Variants in HECW1 observed in about 807,000 individuals in gnomAD.
HECW1 encodes E3 ubiquitin-protein ligase HECW1.
In HECW1, 61 loss-of-function variants were observed where a neutral mutation model predicts 182.3. The observed-to-expected ratio is 0.33, with a 90% confidence interval of 0.27 to 0.41. The LOEUF is 0.41. Ranked by LOEUF, HECW1 falls within the 10% of genes least tolerant of loss-of-function variation. HECW1 has a pLI of 1.00. For synonymous variants in HECW1, 859 were observed against 832.6 expected (o/e 1.03, Z -0.55); for missense variants, 1,739 against 2,108.9 (o/e 0.82, Z 3.44).
chr7:43,282,312 C>T (rs931114781), intron 3 of HECW1, among the ~76,000 whole-genome samples: 17 of 152,316 alleles, frequency 1.1e-4, no homozygotes, highest in South Asian at 2.1e-4. Flanking sequence ...GCAAGGGCCC[C>T]GCATCACACT....
At chr7:43,377,827 TC>T (rs1192088032) in intron 6 of HECW1, 2 of 199,834 alleles carry the variant, frequency 1.0e-5, no homozygotes, top group Non-Finnish European at 2.1e-5. Context: ...CTGGGGACTT[TC>T]TTATGCCTCC....
intron 2 of HECW1, among the ~76,000 whole-genome samples, chr7:43,154,396 C>T (rs1250124464): frequency 6.6e-6 from 1 of 152,100 alleles, no homozygotes; most frequent in African/African-American, 2.4e-5. Context: ...ATTCATTCAC[C>T]TGCTTTATCT....
At position 43,333,342 on chromosome 7, in the gene HECW1, G is replaced by C. The variant is rs540037377; in HGVS notation, c.460+12600G>C. Among the ~76,000 whole-genome samples, 12 of 152,318 alleles carry C rather than the reference G, an allele frequency of 7.9e-5. No homozygotes were observed. In the East Asian group the frequency reaches 2.3e-3, roughly 29 times the overall value. ...CCTCCTATAAAAAGCTGTAGAGAAA[G>C]TCACATTAAAAGAAAAGGCAACACA... On this transcript the variant is annotated intron_variant, in intron 5 of 29. Transcript: ENST00000395891.
chr7:43,113,158 C>T (rs1332042128), intron 1 of HECW1, among the ~76,000 whole-genome samples: 1 of 152,126 alleles, frequency 6.6e-6, no homozygotes, highest in Non-Finnish European at 1.5e-5. Context: ...GCGACCCCGG[C>T]TTGGGTACTG....
intron 19 of HECW1, among the ~76,000 whole-genome samples, chr7:43,499,201 G>A (rs1472667022): frequency 6.6e-6 from 1 of 152,142 alleles, no homozygotes; most frequent in Non-Finnish European, 1.5e-5. Context: ...AGGATCACTG[G>A]AGCCTTGGGA....
intron 2 of HECW1, among the ~76,000 whole-genome samples, chr7:43,126,700 T>C (rs1030340898): frequency 6.6e-6 from 1 of 152,226 alleles, no homozygotes; most frequent in African/African-American, 2.4e-5. Context: ...ATCGGTGCCA[T>C]TTTTTCCAAC....
At chr7:43,558,764 A>G (rs2082115265) in intron 29 of HECW1, among the ~76,000 whole-genome samples, 1 of 152,154 alleles carries the variant, frequency 6.6e-6, no homozygotes, top group Non-Finnish European at 1.5e-5. Context: ...AGAAAATGGC[A>G]GCCATTGAGA....
At chr7:43,256,435 C>A (rs1800578010) in intron 3 of HECW1, among the ~76,000 whole-genome samples, 1 of 151,958 alleles carries the variant, frequency 6.6e-6, no homozygotes, top group Admixed American at 6.6e-5. Context: ...CATGGTGAAA[C>A]CCTGTCGCTA....
chr7:43,539,034 A>T (rs756998003), intron 24 of HECW1, among the ~76,000 whole-genome samples: 14 of 152,228 alleles, frequency 9.2e-5, no homozygotes, highest in Non-Finnish European at 1.9e-4. Flanking sequence ...TGTAACCAAA[A>T]AAAAGTGGTA....
chr7:43,508,402 T>G (rs575118063), intron 23 of HECW1, among the ~76,000 whole-genome samples: 11 of 152,210 alleles, frequency 7.2e-5, no homozygotes, highest in Non-Finnish European at 1.6e-4. Flanking sequence ...TTTTAGGTGG[T>G]GTACCCCTCT....
At chr7:43,273,240 A>G (rs1023034121) in intron 3 of HECW1, among the ~76,000 whole-genome samples, 2 of 152,184 alleles carry the variant, frequency 1.3e-5, no homozygotes, top group African/African-American at 4.8e-5. Context: ...TACCTGGTTG[A>G]CAGGAACACG....
chr7:43,486,283 T>A (rs2152913401), intron 17 of HECW1, among the ~76,000 whole-genome samples: 1 of 152,124 alleles, frequency 6.6e-6, no homozygotes, highest in African/African-American at 2.4e-5. Flanking sequence ...GGCATTTGGG[T>A]TGGTTCGATT....
At chr7:43,416,226 T>G (rs1441774726) in intron 8 of HECW1, among the ~76,000 whole-genome samples, 227 of 147,608 alleles carry the variant, frequency 1.5e-3, no homozygotes, top group African/African-American at 5.8e-3. Context: ...GTCCTTTCTG[T>G]TTGTTAGTTT....
chr7:43,139,277 T>C (rs1005208899), intron 2 of HECW1, among the ~76,000 whole-genome samples: 5 of 152,220 alleles, frequency 3.3e-5, no homozygotes, highest in Admixed American at 3.3e-4. Flanking sequence ...GGGAGCACCA[T>C]GGCAAACCTC....
intron 2 of HECW1, among the ~76,000 whole-genome samples, chr7:43,238,634 C>T (rs924757956): frequency 2.6e-5 from 4 of 151,734 alleles, no homozygotes; most frequent in East Asian, 1.9e-4. Flanking sequence ...ATTGTTTCGC[C>T]GTATGGATAT....
intron 5 of HECW1, among the ~76,000 whole-genome samples, chr7:43,350,939 A>T (rs1296058572): frequency 6.6e-6 from 1 of 152,098 alleles, no homozygotes; most frequent in Non-Finnish European, 1.5e-5. Flanking sequence ...CATTGACAAG[A>T]CTTGTTTTAT....
intron 2 of HECW1, among the ~76,000 whole-genome samples, chr7:43,196,531 G>GCCA (rs757484469): frequency 1.6e-4 from 25 of 152,288 alleles, no homozygotes; most frequent in Non-Finnish European, 2.8e-4. Flanking sequence ...AGGGTAGTTT[G>GCCA]CCACAGGTCC....
chr7:43,205,660 G>T (rs1795405646), intron 2 of HECW1, among the ~76,000 whole-genome samples: 1 of 152,192 alleles, frequency 6.6e-6, no homozygotes, highest in Non-Finnish European at 1.5e-5. Context: ...TCCACAGCAT[G>T]CCTGGCCATG....
chr7:43,139,194 A>G (rs1049664981), intron 2 of HECW1, among the ~76,000 whole-genome samples: 1 of 152,230 alleles, frequency 6.6e-6, no homozygotes, highest in Non-Finnish European at 1.5e-5. Flanking sequence ...GGGGGCTGCC[A>G]CAGCATCCCC....
Sources: gnomAD v4.1 joint callset for allele counts (sites outside exome capture counted in the v4.1 genomes callset) on GRCh38, gnomAD v4.1.1 for gene constraint, MANE v1.5 for transcripts, NCBI Gene and HGNC (gene_info 2026-07-23, HGNC 2026-07-21) for gene names.